SPINK5: variants seen among roughly 807,000 people sequenced by gnomAD.
The protein encoded by SPINK5 is serine protease inhibitor Kazal-type 5.
SPINK5 carries 125 observed loss-of-function variants against 151.8 expected under a neutral mutation model. That is an observed-to-expected ratio of 0.82 (90% CI 0.71 to 0.96). SPINK5 has a LOEUF of 0.96. Ranked by LOEUF, SPINK5 falls within the 40% of genes least tolerant of loss-of-function variation. The probability of loss-of-function intolerance (pLI) is 0.00; values close to 1 mark genes in which losing one functional copy is unlikely to be tolerated. For missense variants in SPINK5, 1,194 were observed against 1,291.9 expected, an observed-to-expected ratio of 0.92 and a Z score of 1.16; for synonymous variants, 374 against 395.3, an observed-to-expected ratio of 0.95 and a Z score of 0.64.
At chr5:148,116,642 A>G (rs1039905393) in intron 22 of SPINK5, among the ~76,000 whole-genome samples, 176 bp downstream of exon 22, 14 of 152,152 alleles carry the variant, frequency 9.2e-5, no homozygotes, top group African/African-American at 3.4e-4. Flanking sequence ...TCTGGGGTTC[A>G]TTTGGATTTC....
chr5:148,105,592 A>G (rs1236101268), intron 16 of SPINK5, among the ~76,000 whole-genome samples: 4 of 151,924 alleles, frequency 2.6e-5, no homozygotes, highest in African/African-American at 9.7e-5. Context: ...TATAATAGCT[A>G]CATACAAGAT....
chr5:148,085,339 A>T (rs1247306441), intron 4 of SPINK5, among the ~76,000 whole-genome samples: 2 of 151,948 alleles, frequency 1.3e-5, no homozygotes, highest in Admixed American at 6.6e-5. Context: ...CTTTATTTTG[A>T]CAATGATAAC....
intron 32 of SPINK5, among the ~76,000 whole-genome samples, chr5:148,134,940 G>A (rs909053860): frequency 3.3e-5 from 5 of 151,676 alleles, no homozygotes; most frequent in East Asian, 3.9e-4. Context: ...TATTAAAAAC[G>A]TCTGCCCAAC....
chr5:148,065,448 A>G, intron 2 of SPINK5, 76 bp downstream of exon 2: 1 of 1,497,718 alleles, frequency 6.7e-7, no homozygotes, highest in South Asian at 1.1e-5. Flanking sequence ...CAACACCTTC[A>G]TGTTAATAAT....
Position 148,137,122 on chromosome 5 carries a change from T to C in SPINK5, c.*131T>C, listed in dbSNP as rs1359683359. 3.3e-6 allele frequency: 4 copies of C among 1,222,544 alleles called. No homozygotes were observed. Among genetic ancestry groups the C allele is most frequent in the South Asian group, 2.5e-5 (2 of 81,614 alleles). 75.7% of individuals were successfully genotyped at this position (1,222,544 alleles called of 1,614,324 possible). ...GCTATAGAAAACAATACAGAGCTTT[T>C]GGGAATGGACTCACTGATTTTCAGT... On this transcript the variant is annotated 3_prime_UTR_variant, in exon 33 of 33. Transcript: ENST00000256084.
chr5:148,069,653 T>C (rs1346391954), intron 2 of SPINK5, among the ~76,000 whole-genome samples: 1 of 151,964 alleles, frequency 6.6e-6, no homozygotes, highest in Non-Finnish European at 1.5e-5. Flanking sequence ...AATACAAATT[T>C]GAAAATGCAA....
At position 148,086,380 on chromosome 5, in the gene SPINK5, C is replaced by T. The variant is rs201204643; in HGVS notation, c.283-25C>T. ...GACTATTTTGTTTCTTACATTTTGACGTTCCTTGATCATGTCTTTTGCAGC... is the reference window on the plus strand; with the variant it reads ...GACTATTTTGTTTCTTACATTTTGATGTTCCTTGATCATGTCTTTTGCAGC... On this transcript the variant is annotated intron_variant, in intron 4 of 32. Coordinates refer to ENST00000256084, the MANE Select transcript of SPINK5 (RefSeq NM_006846.4). The T allele has an allele frequency of 3.9e-5, 63 of 1,607,060 alleles. No homozygotes were observed. In the Middle Eastern group the frequency reaches 8.3e-4, roughly 21 times the overall value.
intron 4 of SPINK5, among the ~76,000 whole-genome samples, chr5:148,082,144 CTT>C (rs1291492287): frequency 2.6e-5 from 4 of 151,170 alleles, no homozygotes; most frequent in African/African-American, 9.7e-5. Context: ...TTACTTGTCT[CTT>C]TGGTCAGTCC....
At chr5:148,103,645 A>G (rs778940806) in intron 15 of SPINK5, among the ~76,000 whole-genome samples, 28 of 152,188 alleles carry the variant, frequency 1.8e-4, no homozygotes, top group Non-Finnish European at 3.5e-4. Context: ...AGTTTATTTC[A>G]TAAGTATATA....
chr5:148,118,371 A>G (rs1561700066), intron 22 of SPINK5, 66 bp from the exon 23 acceptor site: 1 of 1,609,600 alleles, frequency 6.2e-7, no homozygotes, highest in East Asian at 2.2e-5. Context: ...CAGACTGTTA[A>G]AACAATTTAC....
rs13361113 is a variant in SPINK5 at position 148,093,103 on chromosome 5, G to A, written c.667-1251G>A. Among the ~76,000 whole-genome samples the A allele has an allele frequency of 8.0e-3, 1,212 of 151,934 alleles. 21 individuals carry two copies. The highest frequency in any genetic ancestry group is 0.028 in the African/African-American group (1,156 of 41,468). Reference sequence around the variant, plus strand: ...GTTTTCTTGCCTGAAATTGAATGACGAAGGTCACACAGTTGAAAAGAAAGT... The same window carrying A: ...GTTTTCTTGCCTGAAATTGAATGACAAAGGTCACACAGTTGAAAAGAAAGT... On this transcript the variant is annotated intron_variant, in intron 8 of 32. Coordinates refer to ENST00000256084, the MANE Select transcript of SPINK5 (RefSeq NM_006846.4).
At chr5:148,133,371 T>C (rs1463115327) in intron 31 of SPINK5, among the ~76,000 whole-genome samples, 4 of 152,210 alleles carry the variant, frequency 2.6e-5, no homozygotes, top group Non-Finnish European at 4.4e-5. Context: ...TTCGTACTCC[T>C]TAAGATTCAT....
chr5:148,094,107 C>T (rs930612320), intron 8 of SPINK5, among the ~76,000 whole-genome samples: 1 of 151,734 alleles, frequency 6.6e-6, no homozygotes, highest in African/African-American at 2.4e-5. Flanking sequence ...CCAGCCCGGG[C>T]AACATGATGA....
At chr5:148,096,464 C>A (rs1303985725) in intron 10 of SPINK5, among the ~76,000 whole-genome samples, 3 of 151,942 alleles carry the variant, frequency 2.0e-5, no homozygotes, top group African/African-American at 7.2e-5. Flanking sequence ...AGATTTAATT[C>A]ATCCTCCATG....
chr5:148,099,501 C>CAAAAAAAA (rs3214448), intron 12 of SPINK5, among the ~76,000 whole-genome samples, 186 bp downstream of exon 12: 2 of 141,604 alleles, frequency 1.4e-5, no homozygotes, highest in Non-Finnish European at 3.2e-5. Flanking sequence ...ACTAACTCTG[C>CAAAAAAAA]AAAAAAAAAA....
At chr5:148,069,491 AAGAG>A (rs1301648373) in intron 2 of SPINK5, among the ~76,000 whole-genome samples, 10 of 151,928 alleles carry the variant, frequency 6.6e-5, no homozygotes, top group Non-Finnish European at 1.2e-4. Context: ...AAGAGAGAGA[AAGAG>A]AGAGAAAGCC....
intron 30 of SPINK5, 101 bp from the exon 31 acceptor site, chr5:148,131,158 C>A (rs559648076): frequency 7.0e-7 from 1 of 1,421,162 alleles, no homozygotes; most frequent in Non-Finnish European, 9.9e-7. Flanking sequence ...CTTTTACAAC[C>A]ATTTATTCAA....
intron 10 of SPINK5, among the ~76,000 whole-genome samples, chr5:148,096,746 TC>T (rs1561686125): frequency 4.2e-5 from 6 of 142,912 alleles, no homozygotes; most frequent in African/African-American, 1.4e-4. Flanking sequence ...CTTTTTCTTT[TC>T]TTTTCTTTTT....
rs767861897 is a variant in SPINK5, at chr5:148,070,461, GTTTC to G, written c.209+24_209+27del. 1.6e-5 allele frequency: 25 copies of G among 1,611,656 alleles called. No individual in the cohort carries two copies. In the East Asian group the frequency reaches 1.6e-4, roughly 10 times the overall value. ...GTGCAAAATGATACTGTGAGTAAAG[GTTTC>G]TTTCTTTCTTTCCAATGTTTGAGTT... On this transcript the variant is annotated intron_variant, in intron 3 of 32. Transcript: ENST00000256084.
Sources: allele counts gnomAD v4.1 joint callset (sites outside exome capture counted in the v4.1 genomes callset), GRCh38; gene constraint gnomAD v4.1.1; transcripts MANE v1.5; gene names NCBI Gene and HGNC (gene_info 2026-07-23, HGNC 2026-07-21).